GPC6: variants seen among roughly 807,000 people sequenced by gnomAD.
GPC6 encodes glypican 6.
Under a neutral mutation model 55.2 loss-of-function variants are expected in GPC6, and 14 were observed. The ratio of observed to expected loss-of-function variants is 0.25; its 90% CI spans 0.17 to 0.40. The LOEUF (loss-of-function observed/expected upper bound fraction) is 0.40. Among genes scored for constraint, GPC6 ranks in the 10% least tolerant of loss-of-function variants. The probability of loss-of-function intolerance (pLI) is 1.00; values close to 1 mark genes in which losing one functional copy is unlikely to be tolerated. For missense variants in GPC6, 641 were observed against 708.5 expected, an observed-to-expected ratio of 0.90 and a Z score of 1.08; for synonymous variants, 278 against 259.6, an observed-to-expected ratio of 1.07 and a Z score of -0.68.
At chr13:93,607,122 G>C (rs763916195) in intron 2 of GPC6, among the ~76,000 whole-genome samples, 25 of 151,976 alleles carry the variant, frequency 1.6e-4, no homozygotes, top group Non-Finnish European at 3.4e-4. Flanking sequence ...TAATTATTAA[G>C]CCATGTCTTC....
chr13:94,398,714 C>A, intron 8 of GPC6, 73 bp downstream of exon 8: 1 of 1,217,706 alleles, frequency 8.2e-7, no homozygotes, highest in Non-Finnish European at 1.2e-6. Flanking sequence ...CCCTGACTTT[C>A]TTCAAGAGCA....
chr13:93,520,929 G>A (rs1172721518), intron 1 of GPC6, among the ~76,000 whole-genome samples: 1 of 151,904 alleles, frequency 6.6e-6, no homozygotes, highest in African/African-American at 2.4e-5. Context: ...GATGAGGTGA[G>A]CCAAAGAGTT....
At chr13:93,918,882 A>G (rs1274168081) in intron 3 of GPC6, among the ~76,000 whole-genome samples, 2 of 152,214 alleles carry the variant, frequency 1.3e-5, no homozygotes, top group Non-Finnish European at 1.5e-5. Flanking sequence ...GTCTGTCTTC[A>G]TGAATCCTGA....
intron 3 of GPC6, among the ~76,000 whole-genome samples, chr13:93,868,155 C>T (rs1360028165): frequency 3.3e-5 from 5 of 151,598 alleles, no homozygotes; most frequent in Non-Finnish European, 7.4e-5. Flanking sequence ...TGGGTTAGAC[C>T]ACAATGCTTC....
At chr13:93,472,651 G>A (rs1879161701) in intron 1 of GPC6, among the ~76,000 whole-genome samples, 1 of 152,210 alleles carries the variant, frequency 6.6e-6, no homozygotes, top group African/African-American at 2.4e-5. Context: ...GAGCTCCCAA[G>A]TTTGGGCTCC....
chr13:93,676,242 T>A (rs1192974757), intron 2 of GPC6, among the ~76,000 whole-genome samples: 1 of 148,446 alleles, frequency 6.7e-6, no homozygotes, highest in African/African-American at 2.5e-5. Context: ...TGTATATATA[T>A]ACACACATAT....
At chr13:93,493,772 C>T (rs371169982) in intron 1 of GPC6, among the ~76,000 whole-genome samples, 10,335 of 120,118 alleles carry the variant, frequency 0.086, 696 homozygotes, top group South Asian at 0.16. Context: ...GCCTTCATTT[C>T]GTTATGTACC....
chr13:94,310,010 C>T (rs971784240), intron 6 of GPC6, among the ~76,000 whole-genome samples: 5 of 152,108 alleles, frequency 3.3e-5, no homozygotes, highest in South Asian at 2.1e-4. Context: ...TTTTAAAAGA[C>T]GGTTCCAATT....
chr13:94,013,220 A>G (rs1009090640), intron 3 of GPC6, among the ~76,000 whole-genome samples: 117 of 69,678 alleles, frequency 1.7e-3, no homozygotes, highest in African/African-American at 4.9e-3. Context: ...GTGTGTATGT[A>G]TATATATATA....
At chr13:94,371,484 G>GT (rs1173370011) in intron 6 of GPC6, among the ~76,000 whole-genome samples, 4 of 152,086 alleles carry the variant, frequency 2.6e-5, no homozygotes, top group African/African-American at 4.8e-5. Context: ...TGTGTGGCAA[G>GT]TTTTTTAGCC....
chr13:93,309,834 C>T (rs1359046817), intron 1 of GPC6, among the ~76,000 whole-genome samples: 1 of 152,112 alleles, frequency 6.6e-6, no homozygotes, highest in Admixed American at 6.6e-5. Flanking sequence ...GACATAAATT[C>T]CAATGTAAAT....
chr13:93,336,437 A>T (rs1025727747), intron 1 of GPC6, among the ~76,000 whole-genome samples: 1 of 152,214 alleles, frequency 6.6e-6, no homozygotes, highest in African/African-American at 2.4e-5. Flanking sequence ...AGCACCAAAA[A>T]TTAATAAGCT....
chr13:93,613,509 AACAC>A (rs369082922), intron 2 of GPC6, among the ~76,000 whole-genome samples: 10 of 142,968 alleles, frequency 7.0e-5, no homozygotes, highest in East Asian at 2.1e-4. Flanking sequence ...CAGACAAGCA[AACAC>A]ACACACACAC....
chr13:94,367,265 T>A (rs1879325013), intron 6 of GPC6, among the ~76,000 whole-genome samples: 1 of 152,240 alleles, frequency 6.6e-6, no homozygotes, highest in Non-Finnish European at 1.5e-5. Flanking sequence ...AGTGCCACAT[T>A]TGAGGTACCT....
intron 2 of GPC6, among the ~76,000 whole-genome samples, chr13:93,574,426 G>A (rs1052791169): frequency 1.9e-4 from 29 of 152,094 alleles, no homozygotes; most frequent in African/African-American, 6.8e-4. Context: ...GCAGAAGGGG[G>A]GAAGGATTAT....
intron 2 of GPC6, among the ~76,000 whole-genome samples, chr13:93,671,303 C>T (rs1013764855): frequency 7.9e-5 from 12 of 151,724 alleles, no homozygotes; most frequent in African/African-American, 2.9e-4. Context: ...GAAGATCTCC[C>T]GGGACTGACT....
At chr13:94,098,781 T>C (rs777505576) in intron 4 of GPC6, among the ~76,000 whole-genome samples, 2 of 152,168 alleles carry the variant, frequency 1.3e-5, no homozygotes, top group Admixed American at 6.5e-5. Context: ...TCCACATTAT[T>C]TGACTAAATG....
At chr13:93,728,582 T>TA (rs1883722490) in intron 2 of GPC6, among the ~76,000 whole-genome samples, 2 of 151,202 alleles carry the variant, frequency 1.3e-5, no homozygotes, top group Non-Finnish European at 3.0e-5. Flanking sequence ...TTTATTTATT[T>TA]TTGAGACAGA....
chr13:93,345,443 T>C (rs549629391), intron 1 of GPC6, among the ~76,000 whole-genome samples: 109 of 152,112 alleles, frequency 7.2e-4, no homozygotes, highest in African/African-American at 2.6e-3. Context: ...TGAGCCTATC[T>C]GCATCCCGAG....
Sources: allele counts gnomAD v4.1 joint callset (sites outside exome capture counted in the v4.1 genomes callset), GRCh38; gene constraint gnomAD v4.1.1; transcripts MANE v1.5; gene names NCBI Gene and HGNC (gene_info 2026-07-23, HGNC 2026-07-21).